Variants in ADGRA3 observed in about 807,000 individuals in gnomAD.
The protein encoded by ADGRA3 is adhesion G protein-coupled receptor A3.
ADGRA3 carries 56 observed loss-of-function variants against 119.8 expected under a neutral mutation model. The observed-to-expected ratio is 0.47, with a 90% CI of 0.38 to 0.58. ADGRA3 has a LOEUF of 0.58. Among genes scored for constraint, ADGRA3 ranks in the 20% least tolerant of loss-of-function variants. The pLI is 0.00. For missense variants in ADGRA3, 1,516 were observed against 1,649.0 expected, an observed-to-expected ratio of 0.92 and a Z score of 1.40; for synonymous variants, 607 against 623.8, an observed-to-expected ratio of 0.97 and a Z score of 0.40.
At chr4:22,398,897 C>T (rs372539795) in intron 16 of ADGRA3, among the ~76,000 whole-genome samples, 21 of 152,222 alleles carry the variant, frequency 1.4e-4, no homozygotes, top group African/African-American at 5.1e-4. Flanking sequence ...ACTCTGAGTA[C>T]AGGAGTGGGG....
At chr4:22,515,421 C>T (rs1719615249) in intron 1 of ADGRA3, 107 bp downstream of exon 1, 9 of 1,365,162 alleles carry the variant, frequency 6.6e-6, no homozygotes, top group Non-Finnish European at 8.8e-6. Context: ...CTGCCTACAG[C>T]TCCACACAAA....
At position 22,515,663 on chromosome 4, in the gene ADGRA3, G is replaced by C. The variant is rs764874814; in HGVS notation, c.122C>G (p.Ala41Gly). Reference sequence around the variant, plus strand: ...GGGCCGCCCATCGTGCTTGCAGCCGGCGGGCAGCGCCGCGGCGCCGCCGCC... The same window carrying C: ...GGGCCGCCCATCGTGCTTGCAGCCGCCGGGCAGCGCCGCGGCGCCGCCGCC... ...GGGGGAAALP[A>G]GCKHDGRPRG... Residue 41 changes from alanine to glycine, a missense_variant, in exon 1 of 19, where the codon GCC (alanine) becomes GGC (glycine). By Grantham distance (60) the Ala-to-Gly change is moderately conservative. This residue lies in a region of ADGRA3 where 428 missense variants were observed against 541.9 expected (regional missense o/e 0.79). Transcript: ENST00000334304. The C allele has an allele frequency of 8.2e-7, 1 of 1,216,292 alleles. No individual in the cohort carries two copies. The allele number at this position is 1,216,292 out of a possible 1,614,324, so 75.3% of individuals were successfully genotyped here.
chr4:22,416,445 C>G (rs1715433745), intron 12 of ADGRA3, among the ~76,000 whole-genome samples: 1 of 152,178 alleles, frequency 6.6e-6, no homozygotes, highest in South Asian at 2.1e-4. Flanking sequence ...AGCCTCACCA[C>G]TTAGCAGCTG....
In ADGRA3 at chr4:22,440,520, A is replaced by G. The variant is rs577159816; in HGVS notation, c.921-2100T>C. Among the ~76,000 whole-genome samples the G allele has an allele frequency of 4.6e-5, 7 of 152,270 alleles. No individual in the cohort carries two copies. In the South Asian group the frequency reaches 1.5e-3, roughly 32 times the overall value. ...AAAGAACTGTCTCAGGCTTCACATG[A>G]AAGATTTTCACTTTAGTCACATGTC... On this transcript the variant is annotated intron_variant, in intron 7 of 18. Coordinates refer to ENST00000334304, the MANE Select transcript of ADGRA3 (RefSeq NM_145290.4).
intron 15 of ADGRA3, 52 bp downstream of exon 15, chr4:22,402,623 A>G: frequency 6.4e-7 from 1 of 1,571,164 alleles, no homozygotes; most frequent in Non-Finnish European, 8.6e-7. Context: ...TGTGAAATAA[A>G]GTCCTTCAAA....
chr4:22,438,205 G>A (rs775978388), intron 8 of ADGRA3, 51 bp downstream of exon 8: 4 of 1,508,672 alleles, frequency 2.7e-6, no homozygotes, highest in East Asian at 4.5e-5. Flanking sequence ...TTAGACAACA[G>A]AAGGATCTGG....
rs185405246 is a variant in ADGRA3, at chr4:22,457,084, C to A, written c.402-2147G>T. ...TTAAGTGGTGCAATCACCATTGATTCTCTGGGAAACAATTTCATTACAGCT... is the reference window on the plus strand; with the variant it reads ...TTAAGTGGTGCAATCACCATTGATTATCTGGGAAACAATTTCATTACAGCT... On this transcript the variant is annotated intron_variant, in intron 3 of 18. Transcript: ENST00000334304. Among the ~76,000 whole-genome samples the A allele has an allele frequency of 2.0e-3, 298 of 152,244 alleles. 1 individual carries two copies. The highest frequency in any genetic ancestry group is 3.3e-3 in the Non-Finnish European group (222 of 68,022).
intron 7 of ADGRA3, among the ~76,000 whole-genome samples, chr4:22,442,116 C>G (rs930694264): frequency 3.3e-5 from 5 of 152,066 alleles, no homozygotes; most frequent in African/African-American, 1.2e-4. Flanking sequence ...AGTAAAATAT[C>G]TGGTAAGTGA....
At chr4:22,434,622 G>A (rs1044070257) in intron 10 of ADGRA3, among the ~76,000 whole-genome samples, 21 of 152,176 alleles carry the variant, frequency 1.4e-4, no homozygotes, top group East Asian at 1.9e-4. Flanking sequence ...AAGTTCTCAC[G>A]AAGCTTTAAA....
intron 6 of ADGRA3, 93 bp from the exon 7 acceptor site, chr4:22,442,956 C>A: frequency 5.3e-6 from 5 of 942,276 alleles, no homozygotes; most frequent in Non-Finnish European, 6.6e-6. Context: ...ATAATAAAAA[C>A]AGAACAACAA....
In ADGRA3 at chr4:22,488,501, G is replaced by C. The variant is rs117308701; in HGVS notation, c.258-14658C>G. On this transcript the variant is annotated intron_variant, in intron 1 of 18. Coordinates refer to ENST00000334304, the MANE Select transcript of ADGRA3 (RefSeq NM_145290.4). The stretch of plus-strand genomic sequence containing the variant: ...GCTTCAGGGGGCTGGGACCACCCCT[G>C]AGCCTCGTACAATTCACAGGCTAAC... Among the ~76,000 whole-genome samples, 1,021 of 152,270 alleles carry C rather than the reference G, an allele frequency of 6.7e-3. 27 individuals are homozygous for C. The highest frequency in any genetic ancestry group is 0.047 in the Admixed American group (715 of 15,288).
intron 1 of ADGRA3, among the ~76,000 whole-genome samples, chr4:22,479,279 C>G (rs1718164683): frequency 6.6e-6 from 1 of 152,022 alleles, no homozygotes; most frequent in Non-Finnish European, 1.5e-5. Flanking sequence ...CTGGCTAACA[C>G]AGTGAAACAC....
intron 12 of ADGRA3, chr4:22,414,142 T>C (rs1715336035): frequency 4.6e-6 from 1 of 216,616 alleles, no homozygotes; most frequent in East Asian, 1.1e-4. Context: ...ATCTCAATGA[T>C]CAGGCTGTAT....
intron 4 of ADGRA3, among the ~76,000 whole-genome samples, chr4:22,450,811 C>G (rs1717007701): frequency 6.6e-6 from 1 of 151,780 alleles, no homozygotes; most frequent in Non-Finnish European, 1.5e-5. Context: ...CAAGCATGAA[C>G]TAAATCAACA....
At chr4:22,391,528 C>T (rs888147883) in intron 17 of ADGRA3, among the ~76,000 whole-genome samples, 2 of 152,190 alleles carry the variant, frequency 1.3e-5, no homozygotes, top group African/African-American at 4.8e-5. Flanking sequence ...TTCTCCCTGA[C>T]ACTGTTCTGG....
intron 15 of ADGRA3, among the ~76,000 whole-genome samples, chr4:22,401,867 C>T (rs1714668669): frequency 6.6e-6 from 1 of 152,114 alleles, no homozygotes; most frequent in South Asian, 2.1e-4. Flanking sequence ...TTTGTTACTA[C>T]GATGTCTTAA....
At chr4:22,482,539 C>G (rs1718289368) in intron 1 of ADGRA3, among the ~76,000 whole-genome samples, 1 of 150,904 alleles carries the variant, frequency 6.6e-6, no homozygotes, top group Non-Finnish European at 1.5e-5. Flanking sequence ...GTAGTGTGAG[C>G]ATGTAGTCCT....
At chr4:22,428,942 A>G (rs1393462201) in intron 10 of ADGRA3, among the ~76,000 whole-genome samples, 1 of 152,178 alleles carries the variant, frequency 6.6e-6, no homozygotes, top group African/African-American at 2.4e-5. Flanking sequence ...GATGAGGGTA[A>G]CAGTGGAGGA....
chr4:22,399,264 G>A (rs1376421373), intron 16 of ADGRA3, among the ~76,000 whole-genome samples: 4 of 152,114 alleles, frequency 2.6e-5, no homozygotes, highest in Non-Finnish European at 4.4e-5. Context: ...CAAATGCTCT[G>A]TTAGTTGTGT....
Sources: allele counts gnomAD v4.1 joint callset (sites outside exome capture counted in the v4.1 genomes callset), GRCh38; gene constraint gnomAD v4.1.1; regional missense constraint gnomAD v4.1.1; transcripts MANE v1.5; gene names NCBI Gene and HGNC (gene_info 2026-07-23, HGNC 2026-07-21).